RORA: variants seen among roughly 807,000 people sequenced by gnomAD.
RORA encodes nuclear receptor ROR-alpha.
In RORA, 7 loss-of-function variants were observed where a neutral mutation model predicts 69.5. That is an observed-to-expected ratio of 0.10 (90% CI 0.06 to 0.19). The LOEUF (loss-of-function observed/expected upper bound fraction) is 0.19. Among genes scored for constraint, RORA ranks in the 10% least tolerant of loss-of-function variants. RORA has a pLI of 1.00. For missense variants in RORA, 457 were observed against 663.0 expected, an observed-to-expected ratio of 0.69 and a Z score of 3.41; for synonymous variants, 261 against 240.8, an observed-to-expected ratio of 1.08 and a Z score of -0.78.
chr15:60,659,859 A>G (rs991516604), intron 2 of RORA, among the ~76,000 whole-genome samples: 1 of 152,220 alleles, frequency 6.6e-6, no homozygotes, highest in Non-Finnish European at 1.5e-5. Flanking sequence ...ATTTATTCCC[A>G]GTCCTCCCCA....
intron 2 of RORA, among the ~76,000 whole-genome samples, chr15:60,626,188 A>G (rs1431393815): frequency 2.0e-5 from 3 of 152,038 alleles, no homozygotes; most frequent in Non-Finnish European, 4.4e-5. Flanking sequence ...TTTGAGCTCA[A>G]CCTCCCCAAA....
chr15:61,164,571 C>T (rs1229973053), intron 1 of RORA, among the ~76,000 whole-genome samples: 2 of 152,122 alleles, frequency 1.3e-5, no homozygotes, highest in African/African-American at 4.8e-5. Flanking sequence ...CCCTTTGTTC[C>T]TGTTGGGTAG....
At position 60,719,172 on chromosome 15, in the gene RORA, T is replaced by C. The variant is rs1174829790; in HGVS notation, c.167-40486A>G. The stretch of plus-strand genomic sequence containing the variant: ...AATATTATATAACATTAAAGAATTA[T>C]TAATTTTCTTTTGGTTTGATCATGG... On this transcript the variant is annotated intron_variant, in intron 1 of 10. Transcript: ENST00000335670. Among the ~76,000 whole-genome samples, 3 of 143,216 alleles carry C rather than the reference T, an allele frequency of 2.1e-5. No individual in the cohort carries two copies. In the South Asian group the frequency reaches 6.8e-4, roughly 33 times the overall value. 94.0% of individuals were successfully genotyped at this position (143,216 alleles called of 152,430 possible).
chr15:60,542,533 TCA>T (rs147551165), intron 2 of RORA, among the ~76,000 whole-genome samples: 5 of 135,042 alleles, frequency 3.7e-5, no homozygotes, highest in Non-Finnish European at 7.5e-5. Flanking sequence ...CATGCACACC[TCA>T]CACAGATGGC....
intron 1 of RORA, among the ~76,000 whole-genome samples, chr15:60,748,196 A>C (rs989154265): frequency 6.6e-5 from 10 of 152,182 alleles, no homozygotes; most frequent in African/African-American, 2.4e-4. Context: ...GTATGGACAT[A>C]AATGCGCTGG....
chr15:61,166,536 C>T (rs1488557248), intron 1 of RORA, among the ~76,000 whole-genome samples: 2 of 152,164 alleles, frequency 1.3e-5, no homozygotes, highest in East Asian at 3.9e-4. Context: ...CATCCATTGA[C>T]AACCGTTATA....
intron 1 of RORA, among the ~76,000 whole-genome samples, chr15:61,205,595 G>T (rs1329392757): frequency 6.6e-6 from 1 of 152,154 alleles, no homozygotes; most frequent in African/African-American, 2.4e-5. Flanking sequence ...GCCTAGGAAG[G>T]GCAACAGGAT....
intron 1 of RORA, among the ~76,000 whole-genome samples, chr15:60,754,286 T>G (rs995447897): frequency 6.6e-6 from 1 of 152,210 alleles, no homozygotes; most frequent in African/African-American, 2.4e-5. Flanking sequence ...TTCACTACCA[T>G]GGAGGTTTCG....
intron 1 of RORA, among the ~76,000 whole-genome samples, chr15:61,046,066 G>T (rs1485988898): frequency 6.6e-6 from 1 of 152,124 alleles, no homozygotes; most frequent in African/African-American, 2.4e-5. Flanking sequence ...GAAATCCGGG[G>T]ACAGGATAGA....
intron 5 of RORA, among the ~76,000 whole-genome samples, chr15:60,508,033 C>G (rs960365758): frequency 1.3e-5 from 2 of 151,520 alleles, no homozygotes; most frequent in African/African-American, 4.9e-5. Context: ...AACAGCCTTT[C>G]ATTCCAATTC....
chr15:61,102,388 A>G (rs1224618422), intron 1 of RORA, among the ~76,000 whole-genome samples: 1 of 152,130 alleles, frequency 6.6e-6, no homozygotes, highest in Non-Finnish European at 1.5e-5. Context: ...GAACAAAAGA[A>G]AAGCCCTGCT....
rs2065064249 is a variant in RORA at position 60,492,685 on chromosome 15, G to A, written c.*4770C>T. 1 of 152,034 alleles carries A rather than the reference G, an allele frequency of 6.6e-6. No individual in the cohort carries two copies. The highest frequency in any genetic ancestry group is 2.1e-4 in the South Asian group (1 of 4,826). 9.4% of individuals were successfully genotyped at this position (152,034 alleles called of 1,614,324 possible). On this transcript the variant is annotated 3_prime_UTR_variant, in exon 11 of 11. Transcript: ENST00000335670. ...TTTAATTATTAGAGAAATGGTAACT[G>A]GAATATGCAAGGACTATACTTTGAA...
At position 60,806,987 on chromosome 15, in the gene RORA, CCT is replaced by C. The variant is rs1029161987; in HGVS notation, c.167-128303_167-128302del. Among the ~76,000 whole-genome samples the C allele has an allele frequency of 2.0e-3, 308 of 152,178 alleles. 2 individuals are homozygous for C. The highest frequency in any genetic ancestry group is 7.2e-3 in the African/African-American group (299 of 41,496). ...ATGGGGAAAAGTTTAAAGCATTCCC[CCT>C]GAGAACTGAAACAAGACAAGGATGC... On this transcript the variant is annotated intron_variant, in intron 1 of 10. Coordinates refer to ENST00000335670, the MANE Select transcript of RORA (RefSeq NM_134261.3).
At chr15:61,179,902 C>T (rs557031935) in intron 1 of RORA, among the ~76,000 whole-genome samples, 2 of 151,422 alleles carry the variant, frequency 1.3e-5, no homozygotes, top group South Asian at 2.1e-4. Context: ...TTTGGGAGGC[C>T]GAGGTGGGCA....
At chr15:61,141,036 C>G (rs1055739552) in intron 1 of RORA, among the ~76,000 whole-genome samples, 1 of 152,054 alleles carries the variant, frequency 6.6e-6, no homozygotes, top group African/African-American at 2.4e-5. Context: ...TTTGCAGTAC[C>G]CTTATCTGTT....
intron 1 of RORA, among the ~76,000 whole-genome samples, chr15:60,855,337 A>G (rs959194196): frequency 6.6e-6 from 1 of 152,192 alleles, no homozygotes. Context: ...GACAGATTGT[A>G]TAGGCGCCTG....
At chr15:60,638,529 C>G (rs2069881795) in intron 2 of RORA, among the ~76,000 whole-genome samples, 2 of 151,952 alleles carry the variant, frequency 1.3e-5, no homozygotes, top group Admixed American at 1.3e-4. Flanking sequence ...TTCTTCACCT[C>G]TTACCTTAAT....
At position 61,213,790 on chromosome 15, in the gene RORA, C is replaced by T. The variant is rs2080014043; in HGVS notation, c.166+15263G>A. 3 of 152,146 alleles carry T rather than the reference C, an allele frequency of 2.0e-5. No homozygotes were observed. Among genetic ancestry groups the T allele is most frequent in the Non-Finnish European group, 4.4e-5 (3 of 68,026 alleles). The allele number at this position is 152,146 out of a possible 1,614,324, so 9.4% of individuals were successfully genotyped here. A position where few individuals can be genotyped will look rare whatever the true frequency, so the allele number is the denominator to read the frequency against. ...ATCAATTCACTTAATTCAGCTTTGT[C>T]GTTCCATTGACTAACATGGGACCTG... On this transcript the variant is annotated intron_variant, in intron 1 of 10. Transcript: ENST00000335670. The surrounding 1 kb of genome is among the most constrained non-coding windows in gnomAD (Gnocchi z 4.1).
At chr15:60,924,585 A>T (rs1476232841) in intron 1 of RORA, among the ~76,000 whole-genome samples, 1 of 152,044 alleles carries the variant, frequency 6.6e-6, no homozygotes, top group Non-Finnish European at 1.5e-5. Flanking sequence ...TCCTTGGATA[A>T]GTCACTGGCC....
Sources: allele counts gnomAD v4.1 joint callset (sites outside exome capture counted in the v4.1 genomes callset), GRCh38; gene constraint gnomAD v4.1.1; non-coding constraint Gnocchi (gnomAD v3.1); transcripts MANE v1.5; gene names NCBI Gene and HGNC (gene_info 2026-07-23, HGNC 2026-07-21).